HTT: variants seen among roughly 807,000 people sequenced by gnomAD.
HTT encodes huntingtin.
A neutral mutation model predicts 362.3 loss-of-function variants in HTT; 104 were observed. That is an observed-to-expected ratio of 0.29 (90% CI 0.24 to 0.34). HTT has a LOEUF of 0.34. Ranked by LOEUF, HTT falls within the 10% of genes least tolerant of loss-of-function variation. The probability of loss-of-function intolerance (pLI) is 1.00; values close to 1 mark genes in which losing one functional copy is unlikely to be tolerated. For missense variants in HTT, 3,301 were observed against 3,928.6 expected (o/e 0.84, Z 4.27); for synonymous variants, 1,577 against 1,548.7 (o/e 1.02, Z -0.43).
At chr4:3,096,935 C>T (rs1015258525) in intron 2 of HTT, among the ~76,000 whole-genome samples, 2 of 151,364 alleles carry the variant, frequency 1.3e-5, no homozygotes, top group African/African-American at 4.9e-5. Flanking sequence ...CCTGGGCAGC[C>T]TAGGGAGACC....
intron 2 of HTT, 118 bp from the exon 3 acceptor site, chr4:3,099,156 C>G (rs1221841355): frequency 5.2e-5 from 33 of 636,054 alleles, no homozygotes; most frequent in Non-Finnish European, 8.1e-5. Context: ...TTCTTAATTT[C>G]TATGTAATGT....
chr4:3,163,247 G>C (rs1281527539), intron 29 of HTT, among the ~76,000 whole-genome samples: 1 of 152,210 alleles, frequency 6.6e-6, no homozygotes, highest in Non-Finnish European at 1.5e-5. Flanking sequence ...TGCGTATGTT[G>C]AACCAGCCTT....
intron 3 of HTT, among the ~76,000 whole-genome samples, chr4:3,100,122 C>G (rs985083517): frequency 6.6e-6 from 1 of 152,184 alleles, no homozygotes; most frequent in Non-Finnish European, 1.5e-5. Flanking sequence ...ACTACAGGCA[C>G]CAGAGAAGCC....
chr4:3,232,421 G>C (rs1222367858), intron 60 of HTT, among the ~76,000 whole-genome samples: 1 of 152,230 alleles, frequency 6.6e-6, no homozygotes, highest in Non-Finnish European at 1.5e-5. Flanking sequence ...GCTGACTTCT[G>C]CAGGGGTCTC....
At chr4:3,151,206 T>C (rs1716871531) in intron 26 of HTT, among the ~76,000 whole-genome samples, 1 of 152,114 alleles carries the variant, frequency 6.6e-6, no homozygotes, top group East Asian at 1.9e-4. Flanking sequence ...CTGAGACATA[T>C]AAAGAAAAGA....
intron 62 of HTT, 48 bp from the exon 63 acceptor site, chr4:3,235,517 G>A: frequency 6.3e-6 from 10 of 1,583,576 alleles, no homozygotes; most frequent in Non-Finnish European, 8.7e-6. Context: ...ATGAACACCT[G>A]AGACTGTGCA....
rs1042292874 is a variant in HTT, at chr4:3,116,350, C to T, written c.1068+87C>T. 2.7e-5 allele frequency: 32 copies of T among 1,201,280 alleles called. No individual in the cohort carries two copies. In the South Asian group the frequency reaches 3.0e-4, roughly 11 times the overall value. The allele number at this position is 1,201,280 out of a possible 1,614,324, so 74.4% of individuals were successfully genotyped here. ...TAATTTGGAAGAGAAGCGGCAGAAC[C>T]GAGAGTTAGAGGTGTGGACTCTGGA... On this transcript the variant is annotated intron_variant, in intron 8 of 66. Coordinates refer to ENST00000355072, the MANE Select transcript of HTT (RefSeq NM_001388492.1).
intron 26 of HTT, among the ~76,000 whole-genome samples, chr4:3,152,577 C>T (rs1304272751): frequency 6.6e-6 from 1 of 152,186 alleles, no homozygotes; most frequent in Non-Finnish European, 1.5e-5. Context: ...AGCCACTAAC[C>T]TGCCTTCTGT....
At chr4:3,189,143 A>C (rs752883021) in intron 40 of HTT, 50 bp downstream of exon 40, 13 of 1,582,364 alleles carry the variant, frequency 8.2e-6, no homozygotes, top group Middle Eastern at 1.7e-4. Context: ...CCCATTCTGC[A>C]CTATACACTC....
At chr4:3,234,095 C>G (rs762855065) in intron 61 of HTT, among the ~76,000 whole-genome samples, 34 of 152,190 alleles carry the variant, frequency 2.2e-4, no homozygotes, top group Non-Finnish European at 4.0e-4. Context: ...CCAGTGATCC[C>G]CTTTGACAAG....
intron 53 of HTT, among the ~76,000 whole-genome samples, chr4:3,221,885 A>G (rs925569328): frequency 2.0e-5 from 3 of 152,224 alleles, no homozygotes; most frequent in Non-Finnish European, 4.4e-5. Flanking sequence ...AATTTTTAGC[A>G]GCTTTATTGA....
At chr4:3,227,164 G>A (rs185403682) in intron 57 of HTT, among the ~76,000 whole-genome samples, 7 of 152,348 alleles carry the variant, frequency 4.6e-5, no homozygotes, top group Admixed American at 2.0e-4. Context: ...TGTGTCCAGC[G>A]TCCGCAAACC....
rs922583770 is a variant in HTT at position 3,241,749 on chromosome 4, G to A, written c.*1690G>A. 13 of 116,262 alleles carry A rather than the reference G, an allele frequency of 1.1e-4. No homozygotes were observed. The highest frequency in any genetic ancestry group is 2.0e-4 in the Non-Finnish European group (12 of 59,056). The allele number at this position is 116,262 out of a possible 1,614,324, so 7.2% of individuals were successfully genotyped here. A position where few individuals can be genotyped will look rare whatever the true frequency, so the allele number is the denominator to read the frequency against. ...GTATGCTGCCCACATACGTGAGGGG[G>A]AGCTGAAAGGGAGCCCCTCCTCTGA... On this transcript the variant is annotated 3_prime_UTR_variant, in exon 67 of 67. Coordinates refer to ENST00000355072, the MANE Select transcript of HTT (RefSeq NM_001388492.1).
chr4:3,139,223 A>T lies in HTT; in HGVS notation c.2799-1287A>T, dbSNP rs964400852. The stretch of plus-strand genomic sequence containing the variant: ...TTTGTTTGTTTGTTTGTGGAGACAG[A>T]GTCTCGCTCTGTCACTCAGGCAGGA... On this transcript the variant is annotated intron_variant, in intron 21 of 66. Coordinates refer to ENST00000355072, the MANE Select transcript of HTT (RefSeq NM_001388492.1). Among the ~76,000 whole-genome samples, 3 of 152,308 alleles carry T rather than the reference A, an allele frequency of 2.0e-5. No individual in the cohort carries two copies. In the East Asian group the frequency reaches 5.8e-4, roughly 29 times the overall value.
Position 3,218,024 on chromosome 4 carries a change from G to T in HTT, c.7242+72G>T. ...CCGGTAGGCCCTGGGCTGGGCACAC[G>T]TGAGAGGGCGGGACAGAATCCCCGC... On this transcript the variant is annotated intron_variant, in intron 52 of 66. Coordinates refer to ENST00000355072, the MANE Select transcript of HTT (RefSeq NM_001388492.1). The surrounding 1 kb of genome is among the most constrained non-coding windows in gnomAD (Gnocchi z 4.4). 7.6e-7 allele frequency: 1 copy of T among 1,320,972 alleles called. No homozygotes were observed. The highest frequency in any genetic ancestry group is 1.0e-6 in the Non-Finnish European group (1 of 963,874). The allele number at this position is 1,320,972 out of a possible 1,614,324, so 81.8% of individuals were successfully genotyped here. A position where few individuals can be genotyped will look rare whatever the true frequency, so the allele number is the denominator to read the frequency against.
In HTT at chr4:3,233,309, G is replaced by A. The variant is rs71608259; in HGVS notation, c.8412G>A (p.Pro2804=). 181 of 1,608,752 alleles carry A rather than the reference G, an allele frequency of 1.1e-4. 1 individual carries two copies. In the East Asian group the frequency reaches 1.3e-3, roughly 12 times the overall value. Residue 2804 remains proline (P), a synonymous_variant, in exon 61 of 67, where the codon CCG becomes CCA. Coordinates refer to ENST00000355072, the MANE Select transcript of HTT (RefSeq NM_001388492.1). Reference sequence around the variant, plus strand: ...ACGACACTGCCAAGCAGCTCATCCCGGTCATCAGCGACTATCTCCTCTCCA... The same window carrying A: ...ACGACACTGCCAAGCAGCTCATCCCAGTCATCAGCGACTATCTCCTCTCCA... ...LLDDTAKQLI[P]VISDYLLSNL...
chr4:3,220,259 C>T lies in HTT; in HGVS notation c.7320C>T (p.Leu2440=), dbSNP rs774547356. 6.2e-7 allele frequency: 1 copy of T among 1,614,100 alleles called. No individual in the cohort carries two copies. Among genetic ancestry groups the T allele is most frequent in the Non-Finnish European group, 8.5e-7 (1 of 1,179,988 alleles). ...TAFPEIPVEF[L]QEKEVFKEFI... ...TCCCTGAGATCCCCGTGGAGTTCCT[C>T]CAGGAAAAGGAAGTCTTTAAGGAGT... is the stretch of plus-strand genomic sequence containing the variant. Residue 2440 remains leucine, a synonymous_variant, in exon 53 of 67, where the codon CTC becomes CTT. Transcript: ENST00000355072.
intron 30 of HTT, 27 bp from the exon 31 acceptor site, chr4:3,172,881 G>C: frequency 6.6e-7 from 1 of 1,507,254 alleles, no homozygotes; most frequent in Non-Finnish European, 9.2e-7. Flanking sequence ...ACGCCACATT[G>C]TTGATGCCTC....
At chr4:3,120,159 A>G (rs977632634) in intron 8 of HTT, among the ~76,000 whole-genome samples, 2 of 152,204 alleles carry the variant, frequency 1.3e-5, no homozygotes, top group African/African-American at 4.8e-5. Flanking sequence ...AAAAAAAGAA[A>G]CATGTATTTT....
Sources: allele counts gnomAD v4.1 joint callset (sites outside exome capture counted in the v4.1 genomes callset), GRCh38; gene constraint gnomAD v4.1.1; non-coding constraint Gnocchi (gnomAD v3.1); transcripts MANE v1.5; gene names NCBI Gene and HGNC (gene_info 2026-07-23, HGNC 2026-07-21).